Variants in KCNIP4 observed in about 807,000 individuals in gnomAD.
KCNIP4 encodes potassium voltage-gated channel interacting protein 4.
A neutral mutation model predicts 34.0 loss-of-function variants in KCNIP4; 12 were observed. The ratio of observed to expected loss-of-function variants is 0.35; its 90% CI spans 0.23 to 0.57. The LOEUF is 0.57. KCNIP4 is among the 20% of genes least tolerant of loss of function. The pLI, the probability that KCNIP4 is intolerant of heterozygous loss-of-function variation, is 0.83. For synonymous variants in KCNIP4, 124 were observed against 102.2 expected (o/e 1.21, Z -1.29); for missense variants, 238 against 311.7 (o/e 0.76, Z 1.78).
rs1033635398 is a variant in KCNIP4 at position 21,853,128 on chromosome 4, T to C, written c.61+95443A>G. 2.6e-5 allele frequency: 4 copies of C among 152,304 alleles called. No individual in the cohort carries two copies. In the East Asian group the frequency reaches 7.7e-4, roughly 29 times the overall value. The allele number at this position is 152,304 out of a possible 1,614,324, so 9.4% of individuals were successfully genotyped here. On this transcript the variant is annotated intron_variant, in intron 1 of 8. Transcript: ENST00000382152. ...TTGAGCCAGTTCAGTCCAAGTCACTTAAATCCTGAGTCTTGATTGCCTAAT... is the reference window on the plus strand; with the variant it reads ...TTGAGCCAGTTCAGTCCAAGTCACTCAAATCCTGAGTCTTGATTGCCTAAT...
At chr4:21,465,729 A>T (rs552263263) in intron 1 of KCNIP4, among the ~76,000 whole-genome samples, 1 of 152,308 alleles carries the variant, frequency 6.6e-6, no homozygotes, top group African/African-American at 2.4e-5. Flanking sequence ...AGGGTTAAAT[A>T]TTTAAGATAA....
At chr4:20,985,795 A>G (rs1736515447) in intron 1 of KCNIP4, among the ~76,000 whole-genome samples, 1 of 152,192 alleles carries the variant, frequency 6.6e-6, no homozygotes, top group Non-Finnish European at 1.5e-5. Context: ...GTTTAGTGGT[A>G]TCAGGAAGGA....
chr4:20,812,815 T>A (rs996874935), intron 3 of KCNIP4, among the ~76,000 whole-genome samples: 5 of 151,994 alleles, frequency 3.3e-5, no homozygotes, highest in African/African-American at 1.2e-4. Flanking sequence ...AGGTGCAAAC[T>A]TAAGGACCTA....
intron 1 of KCNIP4, among the ~76,000 whole-genome samples, chr4:21,723,388 C>A (rs894713528): frequency 2.0e-5 from 3 of 152,104 alleles, no homozygotes; most frequent in Non-Finnish European, 4.4e-5. Context: ...AGCAACCTCA[C>A]TTCTGATGAG....
chr4:21,287,856 T>C (rs1453627137), intron 1 of KCNIP4, among the ~76,000 whole-genome samples: 3 of 152,164 alleles, frequency 2.0e-5, no homozygotes, highest in African/African-American at 4.8e-5. Context: ...AAAATATATA[T>C]ATAGTTAATA....
intron 1 of KCNIP4, among the ~76,000 whole-genome samples, chr4:21,555,287 C>T (rs948673949): frequency 6.6e-6 from 1 of 152,066 alleles, no homozygotes; most frequent in Non-Finnish European, 1.5e-5. Context: ...CTGTGATGTA[C>T]TGAGTTCACT....
At chr4:21,024,099 A>G (rs1740322457) in intron 1 of KCNIP4, among the ~76,000 whole-genome samples, 1 of 152,250 alleles carries the variant, frequency 6.6e-6, no homozygotes, top group Non-Finnish European at 1.5e-5. Flanking sequence ...GTGATTTTAT[A>G]TCATAGTTTC....
intron 1 of KCNIP4, among the ~76,000 whole-genome samples, chr4:20,919,886 C>G (rs76393123): frequency 1.3e-5 from 2 of 152,046 alleles, no homozygotes; most frequent in African/African-American, 4.8e-5. Context: ...CTCAGAAACC[C>G]AATTTCTGGC....
At chr4:21,924,544 A>G (rs922940452) in intron 1 of KCNIP4, among the ~76,000 whole-genome samples, 3 of 151,984 alleles carry the variant, frequency 2.0e-5, no homozygotes, top group Admixed American at 6.6e-5. Context: ...GCGCCTGGAC[A>G]ATATATTTCT....
chr4:21,745,751 T>C (rs1031301217), intron 1 of KCNIP4, among the ~76,000 whole-genome samples: 1 of 152,110 alleles, frequency 6.6e-6, no homozygotes, highest in Admixed American at 6.6e-5. Flanking sequence ...TATACATGCT[T>C]TATGCTAAAA....
intron 1 of KCNIP4, among the ~76,000 whole-genome samples, chr4:21,385,382 G>A (rs2109492069): frequency 6.6e-6 from 1 of 152,190 alleles, no homozygotes; most frequent in Non-Finnish European, 1.5e-5. Flanking sequence ...AAGGGTTCTG[G>A]GCCTAGCAGA....
At chr4:21,212,136 T>G (rs1475408799) in intron 1 of KCNIP4, among the ~76,000 whole-genome samples, 1 of 152,170 alleles carries the variant, frequency 6.6e-6, no homozygotes, top group Non-Finnish European at 1.5e-5. Context: ...CTGCTTTCTT[T>G]CCAATCTCTC....
At chr4:21,698,424 C>T (rs931108659) in intron 1 of KCNIP4, among the ~76,000 whole-genome samples, 3 of 152,170 alleles carry the variant, frequency 2.0e-5, no homozygotes, top group Admixed American at 2.0e-4. Flanking sequence ...GCAAACACAA[C>T]CATCTCCCTA....
chr4:21,864,622 A>C (rs1725307021), intron 1 of KCNIP4, among the ~76,000 whole-genome samples: 1 of 152,202 alleles, frequency 6.6e-6, no homozygotes, highest in South Asian at 2.1e-4. Flanking sequence ...TATATTTTTC[A>C]ATTGATGAGG....
intron 1 of KCNIP4, among the ~76,000 whole-genome samples, chr4:21,817,483 A>G (rs1029030126): frequency 2.0e-5 from 3 of 152,200 alleles, no homozygotes; most frequent in African/African-American, 7.2e-5. Context: ...ACAAGGGAAG[A>G]CAACCATAAG....
intron 1 of KCNIP4, among the ~76,000 whole-genome samples, chr4:21,228,296 T>C (rs138242048): frequency 1.3e-5 from 2 of 152,280 alleles, no homozygotes; most frequent in East Asian, 3.9e-4. Context: ...ACTTCCCCTG[T>C]TGCTATCTCT....
intron 1 of KCNIP4, among the ~76,000 whole-genome samples, chr4:20,968,165 C>T (rs1233327618): frequency 6.6e-6 from 1 of 152,144 alleles, no homozygotes; most frequent in African/African-American, 2.4e-5. Flanking sequence ...AGCCAAAAGA[C>T]ACATGAAAAA....
intron 1 of KCNIP4, among the ~76,000 whole-genome samples, chr4:21,740,851 A>G (rs1401966275): frequency 2.0e-5 from 3 of 152,198 alleles, no homozygotes; most frequent in Non-Finnish European, 4.4e-5. Flanking sequence ...CTTAGTTTCA[A>G]TGTCACAGGT....
chr4:21,676,957 C>T (rs1749958064), intron 1 of KCNIP4, among the ~76,000 whole-genome samples: 1 of 148,386 alleles, frequency 6.7e-6, no homozygotes, highest in Non-Finnish European at 1.5e-5. Context: ...TCTTTTTCAT[C>T]CATCAATCTT....
Sources: gnomAD v4.1 joint callset for allele counts (sites outside exome capture counted in the v4.1 genomes callset) on GRCh38, gnomAD v4.1.1 for gene constraint, MANE v1.5 for transcripts, NCBI Gene and HGNC (gene_info 2026-07-23, HGNC 2026-07-21) for gene names.